SVOPL: variants seen among roughly 807,000 people sequenced by gnomAD.
SVOPL encodes SVOP like.
In SVOPL, 60 loss-of-function variants were observed where a neutral mutation model predicts 61.0. The observed-to-expected ratio is 0.98, with a 90% CI of 0.80 to 1.22. The LOEUF is 1.22. Among genes scored for constraint, SVOPL ranks in the 50% most tolerant of loss-of-function variants. The pLI is 0.00. For missense variants in SVOPL, 662 were observed against 643.9 expected, an observed-to-expected ratio of 1.03 and a Z score of -0.30; for synonymous variants, 279 against 250.0, an observed-to-expected ratio of 1.12 and a Z score of -1.09.
intron 14 of SVOPL, among the ~76,000 whole-genome samples, chr7:138,606,933 G>A (rs1346534326): frequency 6.6e-6 from 1 of 151,632 alleles, no homozygotes; most frequent in Non-Finnish European, 1.5e-5. Flanking sequence ...CAGCCTGGGT[G>A]ACAGAGCTAG....
chr7:138,628,282 C>G lies in SVOPL; in HGVS notation c.945G>C (p.Lys315Asn). 6.2e-7 allele frequency: 1 copy of G among 1,614,202 alleles called. No homozygotes were observed. Reference sequence around the variant, plus strand: ...CAGTCACCACCACCGCAGAGTCTGACTTTGAACCACAGACCAAGTCCCGCT... The same window carrying G: ...CAGTCACCACCACCGCAGAGTCTGAGTTTGAACCACAGACCAAGTCCCGCT... ...LLERDLVCGS[K>N]SDSAVVVTGG... The change falls in exon 11 of 16, where the codon AAG becomes AAC. Residue 315 changes from lysine to asparagine, a missense_variant. Transcript: ENST00000674285.
chr7:138,613,272 G>A (rs1338500979), intron 14 of SVOPL, among the ~76,000 whole-genome samples: 3 of 151,854 alleles, frequency 2.0e-5, no homozygotes, highest in Non-Finnish European at 2.9e-5. Context: ...CACCCGCCTC[G>A]GCCTCCCAAA....
chr7:138,651,828 A>G (rs761177079), intron 7 of SVOPL, among the ~76,000 whole-genome samples: 22 of 152,316 alleles, frequency 1.4e-4, no homozygotes, highest in Non-Finnish European at 2.6e-4. Flanking sequence ...CTCAGATACA[A>G]CAGTATTGAA....
At position 138,678,863 on chromosome 7, in the gene SVOPL, C is replaced by A. The variant is rs1212686502; in HGVS notation, c.82+101G>T. On this transcript the variant is annotated intron_variant, in intron 2 of 15. Transcript: ENST00000674285. Reference sequence around the variant, plus strand: ...GGGATTACAGGTGTGAGCCACCATGCCTGGCTGCTTCTTTTGACCTCACCT... The same window carrying A: ...GGGATTACAGGTGTGAGCCACCATGACTGGCTGCTTCTTTTGACCTCACCT... 7.4e-5 allele frequency: 91 copies of A among 1,224,946 alleles called. 1 individual carries two copies. Among genetic ancestry groups the A allele is most frequent in the South Asian group, 1.4e-4 (10 of 69,018 alleles). The allele number at this position is 1,224,946 out of a possible 1,614,324, so 75.9% of individuals were successfully genotyped here.
At chr7:138,611,528 GA>G (rs1799000918) in intron 14 of SVOPL, among the ~76,000 whole-genome samples, 1 of 152,114 alleles carries the variant, frequency 6.6e-6, no homozygotes, top group South Asian at 2.1e-4. Context: ...AATCACTTCT[GA>G]AAAAATTAAA....
chr7:138,628,112 T>A (rs1177834148), intron 11 of SVOPL, 46 bp downstream of exon 11: 1 of 1,608,408 alleles, frequency 6.2e-7, no homozygotes, highest in East Asian at 2.2e-5. Flanking sequence ...CAAGTGCACA[T>A]AGACCACCCA....
chr7:138,598,556 A>T (rs1370386371), intron 14 of SVOPL, among the ~76,000 whole-genome samples: 3 of 152,160 alleles, frequency 2.0e-5, no homozygotes, highest in Non-Finnish European at 4.4e-5. Context: ...ACCAAGATAA[A>T]CCATATCCAG....
chr7:138,637,475 G>GATATATATATAT, intron 9 of SVOPL, among the ~76,000 whole-genome samples: 1 of 14,146 alleles, frequency 7.1e-5, no homozygotes, highest in African/African-American at 2.8e-4. Flanking sequence ...TATAGATATA[G>GATATATATATAT]ATATAGATAT....
intron 1 of SVOPL, chr7:138,688,853 A>G (rs7781750): frequency 0.47 from 173,718 of 370,050 alleles, 44,462 homozygotes; most frequent in African/African-American, 0.8. Context: ...AAATTTATAT[A>G]TGGAAGACCT....
intron 14 of SVOPL, among the ~76,000 whole-genome samples, chr7:138,606,000 T>G (rs1798741074): frequency 7.1e-6 from 1 of 140,860 alleles, no homozygotes; most frequent in African/African-American, 2.5e-5. Flanking sequence ...TTAAATTGTT[T>G]TTTTCTATTT....
At chr7:138,669,020 C>T (rs528762364) in intron 4 of SVOPL, among the ~76,000 whole-genome samples, 1 of 152,308 alleles carries the variant, frequency 6.6e-6, no homozygotes, top group African/African-American at 2.4e-5. Flanking sequence ...AAAGACTGGC[C>T]TTTTGACATG....
chr7:138,618,709 CGA>C (rs59361038), intron 14 of SVOPL, among the ~76,000 whole-genome samples: 23,698 of 129,652 alleles, frequency 0.18, 2,127 homozygotes, highest in East Asian at 0.37. Flanking sequence ...TGCACACGCG[CGA>C]GAGAGAGAGA....
intron 15 of SVOPL, among the ~76,000 whole-genome samples, chr7:138,595,614 GT>G (rs746231860): frequency 1.9e-4 from 29 of 152,094 alleles, no homozygotes; most frequent in Non-Finnish European, 3.8e-4. Flanking sequence ...TTACAGTCTG[GT>G]TTAAATTCTA....
chr7:138,655,868 T>C (rs528301784), intron 7 of SVOPL, among the ~76,000 whole-genome samples: 2 of 152,286 alleles, frequency 1.3e-5, no homozygotes, highest in African/African-American at 2.4e-5. Context: ...ACAAAGAATT[T>C]AGAATATTCA....
chr7:138,621,806 CTATCTATGTATCTATG>C (rs772687135), intron 13 of SVOPL, among the ~76,000 whole-genome samples: 3 of 126,022 alleles, frequency 2.4e-5, no homozygotes, highest in Non-Finnish European at 5.1e-5. Context: ...ATCTATGTAT[CTATCTATGTATCTATG>C]TATCTATGTA....
chr7:138,597,027 T>C (rs1798307773), intron 14 of SVOPL: 1 of 1,155,308 alleles, frequency 8.7e-7, no homozygotes. Context: ...TCTCCGGTTA[T>C]GGAGTTGTGT....
Position 138,627,556 on chromosome 7 carries a change from G to A in SVOPL, c.1070-95C>T, listed in dbSNP as rs1264069295. 3 of 895,120 alleles carry A rather than the reference G, an allele frequency of 3.4e-6. No homozygotes were observed. In the South Asian group the frequency reaches 4.5e-5, roughly 13 times the overall value. 55.4% of individuals were successfully genotyped at this position (895,120 alleles called of 1,614,324 possible). On this transcript the variant is annotated intron_variant, in intron 11 of 15. Transcript: ENST00000674285. Reference sequence around the variant, plus strand: ...GGATTCATCCTTGTCGTTTCAGAAAGAAGCAACTTCATCCAAACCTCACGA... The same window carrying A: ...GGATTCATCCTTGTCGTTTCAGAAAAAAGCAACTTCATCCAAACCTCACGA...
chr7:138,624,100 G>A (rs541388715), intron 13 of SVOPL, among the ~76,000 whole-genome samples: 3 of 152,246 alleles, frequency 2.0e-5, no homozygotes, highest in Admixed American at 1.3e-4. Context: ...GATTACAGGC[G>A]TGAGCCACTG....
chr7:138,654,694 G>GT (rs1262724804), intron 7 of SVOPL, among the ~76,000 whole-genome samples: 1 of 151,708 alleles, frequency 6.6e-6, no homozygotes, highest in Non-Finnish European at 1.5e-5. Context: ...GGAAAAAAAG[G>GT]TTTTTTAAAA....
Sources: allele counts gnomAD v4.1 joint callset (sites outside exome capture counted in the v4.1 genomes callset), GRCh38; gene constraint gnomAD v4.1.1; transcripts MANE v1.5; gene names NCBI Gene and HGNC (gene_info 2026-07-23, HGNC 2026-07-21).